ZBTB7C: variants seen among roughly 807,000 people sequenced by gnomAD.
ZBTB7C encodes the protein zinc finger and BTB domain containing 7C.
A neutral mutation model predicts 25.7 loss-of-function variants in ZBTB7C; 8 were observed. The ratio of observed to expected loss-of-function variants is 0.31; its 90% CI spans 0.18 to 0.56. The LOEUF (loss-of-function observed/expected upper bound fraction) is 0.56. Among genes scored for constraint, ZBTB7C ranks in the 20% least tolerant of loss-of-function variants. The pLI is 0.91. For synonymous variants in ZBTB7C, 394 were observed against 369.0 expected (o/e 1.07, Z -0.78); for missense variants, 824 against 855.2 (o/e 0.96, Z 0.46).
At chr18:48,354,412 T>C (rs182371980) in intron 1 of ZBTB7C, among the ~76,000 whole-genome samples, 1 of 152,282 alleles carries the variant, frequency 6.6e-6, no homozygotes, top group Admixed American at 6.5e-5. Flanking sequence ...TGTTGGAGTC[T>C]TTACGTGCAC....
Position 48,408,398 on chromosome 18 carries a change from G to A in ZBTB7C, c.-304+828C>T, listed in dbSNP as rs1282598524. 3.3e-5 allele frequency: 5 copies of A among 152,354 alleles called. No homozygotes were observed. The South Asian group carries it at 1.0e-3, about 32-fold the overall frequency. 9.4% of individuals were successfully genotyped at this position (152,354 alleles called of 1,614,324 possible). ...ACGCAGTTCCCGTGCGTGTCGCTGG[G>A]AACAGACCTCGCACTACCCCGCGCG... On this transcript the variant is annotated intron_variant, in intron 1 of 4. Transcript: ENST00000590800.
At chr18:48,081,590 T>C (rs1014966062) in intron 3 of ZBTB7C, among the ~76,000 whole-genome samples, 2 of 151,974 alleles carry the variant, frequency 1.3e-5, no homozygotes, top group Non-Finnish European at 2.9e-5. Flanking sequence ...TCCCTCTAAG[T>C]GATTTCTTTA....
In ZBTB7C at chr18:48,356,342, C is replaced by T. The variant is rs115785018; in HGVS notation, c.-303-17944G>A. On this transcript the variant is annotated intron_variant, in intron 1 of 4. Transcript: ENST00000590800. The stretch of plus-strand genomic sequence containing the variant: ...GCGCAGAGCAGCCAGGATGCTTCAG[C>T]GCTCCTCCAAAGGGCTCTCCTGTTC... Among the ~76,000 whole-genome samples, 10 of 152,300 alleles carry T rather than the reference C, an allele frequency of 6.6e-5. No individual in the cohort carries two copies. The East Asian group carries it at 1.2e-3, about 18-fold the overall frequency.
chr18:48,304,602 G>A (rs2045624595), intron 2 of ZBTB7C, among the ~76,000 whole-genome samples: 1 of 152,160 alleles, frequency 6.6e-6, no homozygotes, highest in Non-Finnish European at 1.5e-5. Context: ...TTGAACCCGG[G>A]CAGCGGAGGT....
intron 1 of ZBTB7C, among the ~76,000 whole-genome samples, chr18:48,400,003 C>T (rs2048121799): frequency 6.6e-6 from 1 of 152,198 alleles, no homozygotes; most frequent in African/African-American, 2.4e-5. Flanking sequence ...GGCCCCTCCC[C>T]TCTTTTATGG....
At chr18:48,387,351 T>TCTACCAGTAATTA (rs2047773063) in intron 1 of ZBTB7C, among the ~76,000 whole-genome samples, 1 of 152,212 alleles carries the variant, frequency 6.6e-6, no homozygotes, top group Non-Finnish European at 1.5e-5. Context: ...GTAAGGAATG[T>TCTACCAGTAATTA]ACTGCATTAA....
chr18:48,357,730 C>A (rs1360656035), intron 1 of ZBTB7C, among the ~76,000 whole-genome samples: 1 of 152,184 alleles, frequency 6.6e-6, no homozygotes, highest in African/African-American at 2.4e-5. Flanking sequence ...ACAAACACCC[C>A]AAAATTTCAG....
intron 3 of ZBTB7C, among the ~76,000 whole-genome samples, chr18:48,059,878 C>A (rs947572275): frequency 2.0e-5 from 3 of 152,194 alleles, no homozygotes; most frequent in African/African-American, 7.2e-5. Flanking sequence ...TCCATCCCCC[C>A]ACCCGCCCAG....
At chr18:48,044,579 G>A (rs1289970559) in intron 3 of ZBTB7C, among the ~76,000 whole-genome samples, 1 of 152,260 alleles carries the variant, frequency 6.6e-6, no homozygotes, top group Non-Finnish European at 1.5e-5. Context: ...CCTCAAGTCT[G>A]AGCCACATTT....
intron 2 of ZBTB7C, among the ~76,000 whole-genome samples, chr18:48,244,457 A>G (rs1320598560): frequency 6.6e-6 from 1 of 152,208 alleles, no homozygotes; most frequent in African/African-American, 2.4e-5. Flanking sequence ...TAATTAAACT[A>G]AAAAGCATCT....
intron 2 of ZBTB7C, among the ~76,000 whole-genome samples, chr18:48,230,836 A>G (rs2043231777): frequency 6.6e-6 from 1 of 152,168 alleles, no homozygotes; most frequent in African/African-American, 2.4e-5. Context: ...CCCTGCCCCT[A>G]CAGGCTCAGA....
chr18:48,051,216 C>T (rs762613188), intron 3 of ZBTB7C, among the ~76,000 whole-genome samples: 3 of 152,198 alleles, frequency 2.0e-5, no homozygotes, highest in Non-Finnish European at 2.9e-5. Context: ...AGCCAGGGTG[C>T]GCTTCTCTAG....
chr18:48,139,373 C>T (rs2040271473), intron 3 of ZBTB7C, among the ~76,000 whole-genome samples: 2 of 152,052 alleles, frequency 1.3e-5, no homozygotes, highest in Admixed American at 1.3e-4. Flanking sequence ...CTTTTCAAAC[C>T]CAGCTGGAGC....
At chr18:48,383,878 A>C (rs1467596621) in intron 1 of ZBTB7C, among the ~76,000 whole-genome samples, 1 of 152,046 alleles carries the variant, frequency 6.6e-6, no homozygotes, top group African/African-American at 2.4e-5. Context: ...TGAGGCTGGA[A>C]GGGAGCTCTG....
chr18:48,218,732 C>T (rs1206000217), intron 2 of ZBTB7C, among the ~76,000 whole-genome samples: 3 of 152,212 alleles, frequency 2.0e-5, no homozygotes, highest in African/African-American at 4.8e-5. Flanking sequence ...AAGCCTTCTG[C>T]ACCACTGCCG....
chr18:48,141,790 G>A (rs763719008), intron 3 of ZBTB7C, among the ~76,000 whole-genome samples: 12 of 152,164 alleles, frequency 7.9e-5, no homozygotes, highest in Non-Finnish European at 1.2e-4. Flanking sequence ...CTCAAGGGAG[G>A]AGGGACATGC....
chr18:48,399,754 T>C (rs895719551), intron 1 of ZBTB7C, among the ~76,000 whole-genome samples: 1 of 152,174 alleles, frequency 6.6e-6, no homozygotes, highest in African/African-American at 2.4e-5. Context: ...GAAAGAAAGC[T>C]TCCTTCCCTC....
chr18:48,072,882 G>C (rs1230399260), intron 3 of ZBTB7C, among the ~76,000 whole-genome samples: 1 of 152,184 alleles, frequency 6.6e-6, no homozygotes, highest in African/African-American at 2.4e-5. Context: ...CCCCTTGCTG[G>C]CCTTCCCGAC....
chr18:48,060,190 A>G (rs1289943476), intron 3 of ZBTB7C, among the ~76,000 whole-genome samples: 1 of 152,136 alleles, frequency 6.6e-6, no homozygotes, highest in Non-Finnish European at 1.5e-5. Context: ...GGGTCAAATG[A>G]GAGGAATTTT....
Sources: gnomAD v4.1 joint callset for allele counts (sites outside exome capture counted in the v4.1 genomes callset) on GRCh38, gnomAD v4.1.1 for gene constraint, MANE v1.5 for transcripts, NCBI Gene and HGNC (gene_info 2026-07-23, HGNC 2026-07-21) for gene names.